Variants in CSMD1 observed in about 807,000 individuals in gnomAD.
CSMD1 encodes the protein CUB and Sushi multiple domains 1, also known as CUB and sushi domain-containing protein 1.
A neutral mutation model predicts 417.5 loss-of-function variants in CSMD1; 213 were observed. The ratio of observed to expected loss-of-function variants is 0.51; its 90% CI spans 0.46 to 0.57. The LOEUF (loss-of-function observed/expected upper bound fraction) is 0.57. CSMD1 is among the 20% of genes least tolerant of loss of function. CSMD1 has a pLI of 0.00. For synonymous variants in CSMD1, 2,862 were observed against 1,736.8 expected, an observed-to-expected ratio of 1.65 and a Z score of -16.11; for missense variants, 6,923 against 4,529.7, an observed-to-expected ratio of 1.53 and a Z score of -15.17.
intron 18 of CSMD1, among the ~76,000 whole-genome samples, chr8:3,380,624 T>C (rs1003938774): frequency 6.6e-6 from 1 of 152,104 alleles, no homozygotes; most frequent in African/African-American, 2.4e-5. Context: ...TCACTGTCGG[T>C]AGACTAACAT....
chr8:4,454,511 G>A lies in CSMD1; in HGVS notation c.303-34446C>T, dbSNP rs117073512. Among the ~76,000 whole-genome samples, 30 of 152,262 alleles carry A rather than the reference G, an allele frequency of 2.0e-4. No homozygotes were observed. The East Asian group carries it at 5.0e-3, about 26-fold the overall frequency. On this transcript the variant is annotated intron_variant, in intron 2 of 69. Coordinates refer to ENST00000635120, the MANE Select transcript of CSMD1 (RefSeq NM_033225.6). ...CTAGTCACATATACAATCCTTGGAA[G>A]CAAAGAAAAAGTGTGGTTTCTGATT...
At chr8:4,750,298 G>A (rs1811232346) in intron 1 of CSMD1, among the ~76,000 whole-genome samples, 2 of 152,276 alleles carry the variant, frequency 1.3e-5, no homozygotes, top group Non-Finnish European at 1.5e-5. Context: ...GAACCACCAT[G>A]CCCGGCCCTG....
At chr8:3,537,260 C>G (rs1042728360) in intron 10 of CSMD1, among the ~76,000 whole-genome samples, 2 of 152,180 alleles carry the variant, frequency 1.3e-5, no homozygotes, top group South Asian at 4.1e-4. Flanking sequence ...GCCTTGGCCT[C>G]CCAAAGTGCT....
chr8:4,768,496 C>G (rs563656267), intron 1 of CSMD1, among the ~76,000 whole-genome samples: 1 of 152,152 alleles, frequency 6.6e-6, no homozygotes, highest in South Asian at 2.1e-4. Context: ...TGCTTAGCTC[C>G]TTAGCTGAGT....
intron 3 of CSMD1, among the ~76,000 whole-genome samples, chr8:4,118,895 G>A (rs1035617266): frequency 3.3e-5 from 5 of 152,178 alleles, no homozygotes; most frequent in African/African-American, 9.7e-5. Flanking sequence ...TATACACCAT[G>A]GAATACTATG....
chr8:3,155,611 C>G (rs1055825706), intron 39 of CSMD1, among the ~76,000 whole-genome samples: 1 of 151,814 alleles, frequency 6.6e-6, no homozygotes, highest in Non-Finnish European at 1.5e-5. Flanking sequence ...TCGTGATCCA[C>G]TCGCCTCAGC....
At chr8:4,864,875 T>TACACAC (rs35135942) in intron 1 of CSMD1, among the ~76,000 whole-genome samples, 48,378 of 146,662 alleles carry the variant, frequency 0.33, 8,568 homozygotes, top group Non-Finnish European at 0.39. Flanking sequence ...TGGATTCTAC[T>TACACAC]ACACACACAC....
At chr8:4,917,531 A>G (rs917215816) in intron 1 of CSMD1, among the ~76,000 whole-genome samples, 7 of 152,146 alleles carry the variant, frequency 4.6e-5, no homozygotes, top group Non-Finnish European at 7.4e-5. Flanking sequence ...CTACTCGGGA[A>G]GCTGAAGCAG....
intron 2 of CSMD1, among the ~76,000 whole-genome samples, chr8:4,442,417 A>G (rs756019500): frequency 4.6e-5 from 7 of 152,200 alleles, no homozygotes; most frequent in African/African-American, 7.2e-5. Context: ...CCCACTGTAT[A>G]TATGAACATA....
intron 5 of CSMD1, among the ~76,000 whole-genome samples, chr8:3,856,560 T>G (rs1391316698): frequency 6.6e-6 from 1 of 152,178 alleles, no homozygotes; most frequent in East Asian, 1.9e-4. Flanking sequence ...CATGCGGCAC[T>G]GGGGCCTGAG....
intron 3 of CSMD1, among the ~76,000 whole-genome samples, chr8:4,305,035 G>C (rs528449752): frequency 1.8e-4 from 27 of 152,314 alleles, no homozygotes; most frequent in Non-Finnish European, 3.5e-4. Context: ...CCCCACGTTA[G>C]AGTCCCTTTT....
intron 1 of CSMD1, among the ~76,000 whole-genome samples, chr8:4,717,480 C>T (rs183218521): frequency 2.0e-5 from 3 of 150,050 alleles, no homozygotes; most frequent in Non-Finnish European, 4.4e-5. Flanking sequence ...ACACACACAC[C>T]CCTTTCTATA....
intron 5 of CSMD1, among the ~76,000 whole-genome samples, chr8:3,927,076 T>C (rs528214562): frequency 6.6e-6 from 1 of 151,968 alleles, no homozygotes; most frequent in Non-Finnish European, 1.5e-5. Context: ...ATTTAGTATT[T>C]ATTGTAATTA....
intron 3 of CSMD1, among the ~76,000 whole-genome samples, chr8:4,064,695 G>C (rs867480479): frequency 2.6e-5 from 4 of 152,286 alleles, no homozygotes; most frequent in African/African-American, 9.6e-5. Context: ...TGCTGCCCTG[G>C]CGTGTTGGTC....
Position 3,230,087 on chromosome 8 carries a change from T to A in CSMD1, c.4298A>T (p.Gln1433Leu), listed in dbSNP as rs373735359. The stretch of plus-strand genomic sequence containing the variant: ...TTGCCAAAAGAACCGGTTATTCAGC[T>A]GCACACAGGTGATTTTGGCTTGTCC... ...LQGQAKITCV[Q>L]LNNRFFWQPD... Residue 1433 changes from glutamine (Q) to leucine (L), a missense_variant, in exon 27 of 70, where the codon CAG becomes CTG. By Grantham distance (113) the Gln-to-Leu change is moderately radical. Transcript: ENST00000635120. The A allele has an allele frequency of 1.9e-6, 3 of 1,613,028 alleles. No individual in the cohort carries two copies. The highest frequency in any genetic ancestry group is 2.5e-6 in the Non-Finnish European group (3 of 1,179,432).
intron 3 of CSMD1, among the ~76,000 whole-genome samples, chr8:4,354,656 T>C (rs6994364): frequency 0.65 from 98,906 of 151,414 alleles, 33,696 homozygotes; most frequent in African/African-American, 0.87. Context: ...TGAACATCTA[T>C]GCAGAATTTA....
chr8:4,817,285 C>T lies in CSMD1; in HGVS notation c.85+177047G>A, dbSNP rs112296155. ...CCACTAATATGTGTGCCAGGCCTGC[C>T]CAATCAAGCTATACATTAAGGTGGC... is the stretch of plus-strand genomic sequence containing the variant. On this transcript the variant is annotated intron_variant, in intron 1 of 69. Transcript: ENST00000635120. Among the ~76,000 whole-genome samples the T allele has an allele frequency of 7.1e-3, 1,087 of 152,190 alleles. 9 individuals carry two copies. The highest frequency in any genetic ancestry group is 0.025 in the African/African-American group (1,050 of 41,532).
At chr8:4,745,807 C>T (rs1227341988) in intron 1 of CSMD1, among the ~76,000 whole-genome samples, 1 of 152,096 alleles carries the variant, frequency 6.6e-6, no homozygotes. Flanking sequence ...CAGTGAGATG[C>T]TAGTACAAAT....
intron 5 of CSMD1, among the ~76,000 whole-genome samples, chr8:3,975,152 A>T (rs1279229678): frequency 1.3e-5 from 2 of 152,238 alleles, no homozygotes; most frequent in African/African-American, 4.8e-5. Context: ...AACGAGAGGC[A>T]TGCCTCATCT....
Sources: gnomAD v4.1 joint callset for allele counts (sites outside exome capture counted in the v4.1 genomes callset) on GRCh38, gnomAD v4.1.1 for gene constraint, MANE v1.5 for transcripts, NCBI Gene and HGNC (gene_info 2026-07-23, HGNC 2026-07-21) for gene names.